SLC9A2: variants seen among roughly 807,000 people sequenced by gnomAD.
SLC9A2 encodes solute carrier family 9 member A2.
SLC9A2 carries 42 observed loss-of-function variants against 71.7 expected under a neutral mutation model. The observed-to-expected ratio is 0.59, with a 90% CI of 0.46 to 0.76. The LOEUF (loss-of-function observed/expected upper bound fraction) is 0.76. Among genes scored for constraint, SLC9A2 ranks in the 30% least tolerant of loss-of-function variants. The probability of loss-of-function intolerance (pLI) is 0.00; values close to 1 mark genes in which losing one functional copy is unlikely to be tolerated. For synonymous variants in SLC9A2, 396 were observed against 392.5 expected, an observed-to-expected ratio of 1.01 and a Z score of -0.10; for missense variants, 829 against 1,017.4, an observed-to-expected ratio of 0.81 and a Z score of 2.52.
At chr2:102,666,342 C>T (rs1251263613) in intron 3 of SLC9A2, among the ~76,000 whole-genome samples, 1 of 151,946 alleles carries the variant, frequency 6.6e-6, no homozygotes, top group Non-Finnish European at 1.5e-5. Context: ...ACTGCAGGCG[C>T]CCGCCACCAC....
intron 7 of SLC9A2, among the ~76,000 whole-genome samples, chr2:102,695,792 T>TA (rs1204919882): frequency 0.076 from 3,012 of 39,776 alleles, 160 homozygotes; most frequent in African/African-American, 0.14. Flanking sequence ...ATATATATTA[T>TA]ATATATATTA....
chr2:102,658,927 G>A (rs1166508151), intron 2 of SLC9A2, among the ~76,000 whole-genome samples: 3 of 152,248 alleles, frequency 2.0e-5, no homozygotes, highest in East Asian at 3.9e-4. Context: ...AGTAGTAAAG[G>A]TGACAGTAAT....
chr2:102,687,754 T>C (rs1677575715), intron 5 of SLC9A2, among the ~76,000 whole-genome samples: 1 of 152,076 alleles, frequency 6.6e-6, no homozygotes, highest in Non-Finnish European at 1.5e-5. Context: ...CACACTATCA[T>C]GTTGTCAGAA....
At chr2:102,689,349 TA>T (rs1349982898) in intron 5 of SLC9A2, among the ~76,000 whole-genome samples, 6 of 152,110 alleles carry the variant, frequency 3.9e-5, no homozygotes, top group Non-Finnish European at 1.5e-5. Flanking sequence ...ATGCTCCAGG[TA>T]AAAAAGTCAT....
chr2:102,637,412 T>C (rs949978011), intron 1 of SLC9A2, among the ~76,000 whole-genome samples: 1 of 152,204 alleles, frequency 6.6e-6, no homozygotes, highest in African/African-American at 2.4e-5. Flanking sequence ...TATTATTTCC[T>C]GGGGCACAGT....
rs267598819 is a variant in SLC9A2 at position 102,708,219 on chromosome 2, C to A, written c.2169C>A (p.Ser723=). The A allele has an allele frequency of 1.9e-6, 3 of 1,614,038 alleles. No homozygotes were observed. In the African/African-American group the frequency reaches 4.0e-5, roughly 22 times the overall value. The stretch of plus-strand genomic sequence containing the variant: ...TGCCAGAACAGTTCTCCAAGAAATC[C>A]CCCCAGTCCTATAAAATGGAATGGA... ...RFLPEQFSKK[S]PQSYKMEWKN... Residue 723 remains serine (S), a synonymous_variant, in exon 12 of 12, where the codon TCC becomes TCA. Transcript: ENST00000233969.
chr2:102,683,998 G>C, intron 4 of SLC9A2, 136 bp from the exon 5 acceptor site: 1 of 656,272 alleles, frequency 1.5e-6, no homozygotes. Flanking sequence ...TAGCAAGACA[G>C]AGAAAAAGGG....
intron 5 of SLC9A2, among the ~76,000 whole-genome samples, chr2:102,688,065 C>A (rs1677583664): frequency 6.6e-6 from 1 of 152,146 alleles, no homozygotes; most frequent in Admixed American, 6.6e-5. Flanking sequence ...CAAGCGCGAG[C>A]ACCACCATGC....
chr2:102,689,359 A>G (rs1046068994), intron 5 of SLC9A2, among the ~76,000 whole-genome samples: 2 of 152,198 alleles, frequency 1.3e-5, no homozygotes, highest in African/African-American at 4.8e-5. Context: ...TAAAAAAGTC[A>G]TCAAGGCCTG....
chr2:102,678,530 T>A (rs1478493631), intron 3 of SLC9A2, among the ~76,000 whole-genome samples: 1 of 152,230 alleles, frequency 6.6e-6, no homozygotes, highest in Admixed American at 6.5e-5. Context: ...TTGGGGACAA[T>A]GTCATACTGA....
In SLC9A2 at chr2:102,683,491, T is replaced by C; in HGVS notation, c.1222+13T>C. The C allele has an allele frequency of 2.5e-6, 4 of 1,604,686 alleles. No individual in the cohort carries two copies. Among genetic ancestry groups the C allele is most frequent in the Non-Finnish European group, 3.4e-6 (4 of 1,171,462 alleles). ...TGGCGAGCCCTGGGTAATGAGTGCT[T>C]GTTTGCTAACTGGACATATGTAACA... On this transcript the variant is annotated intron_variant, in intron 4 of 11. Coordinates refer to ENST00000233969, the MANE Select transcript of SLC9A2 (RefSeq NM_003048.6).
chr2:102,657,982 C>T lies in SLC9A2; in HGVS notation c.708C>T (p.Tyr236=). The T allele has an allele frequency of 6.2e-7, 1 of 1,613,622 alleles. No individual in the cohort carries two copies. The highest frequency in any genetic ancestry group is 8.5e-7 in the Non-Finnish European group (1 of 1,179,772). ...ACATTCACGTCAATGAGCAGCTCTA[C>T]ATCCTGGTCTTTGGAGAGTCCCTGC... ...FENIHVNEQL[Y]ILVFGESLLN... The change falls in exon 2 of 12, where the codon TAC becomes TAT. Residue 236 remains tyrosine, a synonymous_variant. Coordinates refer to ENST00000233969, the MANE Select transcript of SLC9A2 (RefSeq NM_003048.6).
chr2:102,696,095 A>AGCC (rs1362878001), intron 7 of SLC9A2, among the ~76,000 whole-genome samples: 1 of 152,014 alleles, frequency 6.6e-6, no homozygotes, highest in African/African-American at 2.4e-5. Flanking sequence ...TACAGGAGCC[A>AGCC]GCCCCCACTT....
intron 3 of SLC9A2, among the ~76,000 whole-genome samples, chr2:102,671,369 G>T (rs1677249444): frequency 6.6e-6 from 1 of 152,144 alleles, no homozygotes; most frequent in Admixed American, 6.5e-5. Flanking sequence ...TGGGGTGGGA[G>T]GGGGAAAGGT....
chr2:102,648,673 A>G (rs920941030), intron 1 of SLC9A2, among the ~76,000 whole-genome samples: 6 of 152,220 alleles, frequency 3.9e-5, no homozygotes, highest in African/African-American at 1.4e-4. Flanking sequence ...CAAAAATCAC[A>G]AATATTCCTA....
intron 1 of SLC9A2, among the ~76,000 whole-genome samples, chr2:102,626,889 A>G (rs966495597): frequency 1.3e-5 from 2 of 152,204 alleles, no homozygotes; most frequent in Non-Finnish European, 2.9e-5. Context: ...ATGTTACATT[A>G]TATCCACTTT....
rs188377377 is a variant in SLC9A2 at position 102,676,838 on chromosome 2, T to C, written c.1005-6423T>C. ...TTTAATTGGTCTTCATCATTGCATATGCTTGGCACTGATTAGTGGAATATG... is the reference window on the plus strand; with the variant it reads ...TTTAATTGGTCTTCATCATTGCATACGCTTGGCACTGATTAGTGGAATATG... On this transcript the variant is annotated intron_variant, in intron 3 of 11. Coordinates refer to ENST00000233969, the MANE Select transcript of SLC9A2 (RefSeq NM_003048.6). Among the ~76,000 whole-genome samples, 7 of 152,378 alleles carry C rather than the reference T, an allele frequency of 4.6e-5. No individual in the cohort carries two copies. In the East Asian group the frequency reaches 1.3e-3, roughly 29 times the overall value.
At chr2:102,699,641 C>T (rs1033974025) in intron 7 of SLC9A2, among the ~76,000 whole-genome samples, 9 of 152,074 alleles carry the variant, frequency 5.9e-5, no homozygotes, top group South Asian at 2.1e-4. Context: ...TTGCTGATGG[C>T]GCAAAGATTT....
rs763914148 is a variant in SLC9A2 at position 102,708,159 on chromosome 2, C to G, written c.2109C>G (p.Thr703=). The G allele has an allele frequency of 6.2e-7, 1 of 1,614,032 alleles. No individual in the cohort carries two copies. The highest frequency in any genetic ancestry group is 1.1e-5 in the South Asian group (1 of 91,060). Residue 703 remains threonine (T), a synonymous_variant, in exon 12 of 12, where the codon ACC becomes ACG. Transcript: ENST00000233969. The part of the protein sequence containing the change: ...SSDSDADAGT[T]VLNLQPRARR... Reference sequence around the variant, plus strand: ...ACTCAGACGCAGATGCCGGGACCACCGTGCTCAATTTGCAGCCCAGAGCCA... The same window carrying G: ...ACTCAGACGCAGATGCCGGGACCACGGTGCTCAATTTGCAGCCCAGAGCCA...
Sources: allele counts gnomAD v4.1 joint callset (sites outside exome capture counted in the v4.1 genomes callset), GRCh38; gene constraint gnomAD v4.1.1; transcripts MANE v1.5; gene names NCBI Gene and HGNC (gene_info 2026-07-23, HGNC 2026-07-21).